MAP3K7: variants seen among roughly 807,000 people sequenced by gnomAD.
MAP3K7 encodes the protein mitogen-activated protein kinase kinase kinase 7.
MAP3K7 carries 21 observed loss-of-function variants against 84.8 expected under a neutral mutation model. The ratio of observed to expected loss-of-function variants is 0.25; its 90% CI spans 0.18 to 0.36. The LOEUF (loss-of-function observed/expected upper bound fraction) is 0.36, where lower values mean the gene tolerates loss of function less well. MAP3K7 is among the 10% of genes least tolerant of loss of function. The pLI is 1.00. For missense variants in MAP3K7, 503 were observed against 747.7 expected (o/e 0.67, Z 3.82); for synonymous variants, 241 against 247.7 (o/e 0.97, Z 0.25).
intron 12 of MAP3K7, among the ~76,000 whole-genome samples, chr6:90,540,594 T>C (rs954574861): frequency 1.6e-4 from 25 of 151,982 alleles, no homozygotes; most frequent in Admixed American, 9.2e-4. Context: ...TTAAATCTTT[T>C]ATAGGTGGTA....
At position 90,550,569 on chromosome 6, in the gene MAP3K7, C is replaced by A. The variant is rs183063454; in HGVS notation, c.868-20G>T. 3.4e-6 allele frequency: 5 copies of A among 1,474,348 alleles called. No homozygotes were observed. The African/African-American group carries it at 4.2e-5, about 12-fold the overall frequency. 91.3% of individuals were successfully genotyped at this position (1,474,348 alleles called of 1,614,324 possible). A position where few individuals can be genotyped will look rare whatever the true frequency, so the allele number is the denominator to read the frequency against. ...AAAGTACTATATATAAAAAAGTAAA[C>A]CACAGCTTAAAATTTCCTTAATACA... is the stretch of plus-strand genomic sequence containing the variant. On this transcript the variant is annotated intron_variant, in intron 8 of 16. Coordinates refer to ENST00000369329, the MANE Select transcript of MAP3K7 (RefSeq NM_145331.3).
intron 7 of MAP3K7, 137 bp downstream of exon 7, chr6:90,553,321 A>G: frequency 5.7e-6 from 5 of 874,404 alleles, no homozygotes; most frequent in Non-Finnish European, 8.7e-6. Context: ...GTCTGATAAT[A>G]GCAAAGCAGT....
chr6:90,528,404 A>G (rs1028551548), intron 13 of MAP3K7, among the ~76,000 whole-genome samples: 16 of 151,004 alleles, frequency 1.1e-4, no homozygotes, highest in African/African-American at 3.9e-4. Flanking sequence ...ATCGTATGTG[A>G]GTTCTAATTA....
intron 1 of MAP3K7, among the ~76,000 whole-genome samples, chr6:90,585,618 C>CTTTTTTTTTTTTTTTTTTTTTTT (rs1562116546): frequency 5.9e-4 from 88 of 150,376 alleles, no homozygotes; most frequent in African/African-American, 2.1e-3. Context: ...GCAGTTTTTA[C>CTTTTTTTTTTTTTTTTTTTTTTT]TTTTCTAAAT....
chr6:90,555,318 C>T (rs996089357), intron 6 of MAP3K7, among the ~76,000 whole-genome samples: 4 of 151,828 alleles, frequency 2.6e-5, no homozygotes, highest in Admixed American at 2.0e-4. Context: ...TGCAGTGGCA[C>T]GATCTCGGCT....
Position 90,586,921 on chromosome 6 carries a change from C to T in MAP3K7, c.-38G>A, listed in dbSNP as rs994618800. On this transcript the variant is annotated 5_prime_UTR_variant, in exon 1 of 17. Coordinates refer to ENST00000369329, the MANE Select transcript of MAP3K7 (RefSeq NM_145331.3). Reference sequence around the variant, plus strand: ...CGCCCGGTGGGGCCGGGAACGGTGCCACCCGGACAATCCGGGTGAGACCCG... The same window carrying T: ...CGCCCGGTGGGGCCGGGAACGGTGCTACCCGGACAATCCGGGTGAGACCCG... 4 of 1,575,952 alleles carry T rather than the reference C, an allele frequency of 2.5e-6. No individual in the cohort carries two copies. Among genetic ancestry groups the T allele is most frequent in the Middle Eastern group, 4.2e-4 (2 of 4,748 alleles).
At chr6:90,569,406 G>C (rs1353226) in intron 2 of MAP3K7, among the ~76,000 whole-genome samples, 40,468 of 151,982 alleles carry the variant, frequency 0.27, 5,923 homozygotes, top group South Asian at 0.42. Context: ...AATCATCCCT[G>C]ATCCAATGAT....
chr6:90,568,027 C>T (rs1401613272), intron 3 of MAP3K7, among the ~76,000 whole-genome samples: 1 of 152,040 alleles, frequency 6.6e-6, no homozygotes, highest in African/African-American at 2.4e-5. Flanking sequence ...AACACTTGGA[C>T]ACAGGAAGGG....
intron 13 of MAP3K7, among the ~76,000 whole-genome samples, chr6:90,524,857 C>T (rs1478401086): frequency 7.9e-5 from 12 of 152,032 alleles, no homozygotes. Flanking sequence ...CTTAAAACTC[C>T]TTGTTTTAAA....
chr6:90,530,946 C>A (rs777706971), intron 13 of MAP3K7, among the ~76,000 whole-genome samples: 1 of 152,154 alleles, frequency 6.6e-6, no homozygotes, highest in Non-Finnish European at 1.5e-5. Context: ...ATTTAAGTTG[C>A]TCCTTCCTCT....
chr6:90,539,873 TG>T (rs1461326664), intron 12 of MAP3K7, among the ~76,000 whole-genome samples: 2 of 151,892 alleles, frequency 1.3e-5, no homozygotes, highest in Non-Finnish European at 2.9e-5. Flanking sequence ...TCAGTTAAAA[TG>T]TTTGGGCCTC....
In MAP3K7 at chr6:90,576,461, ACACACACACAG is replaced by A. The variant is rs1777084152; in HGVS notation, c.121-4665_121-4655del. The stretch of plus-strand genomic sequence containing the variant: ...CACACACACACACACACACACACAC[ACACACACACAG>A]AAGAAACAACTAATATAAAGCTTTG... On this transcript the variant is annotated intron_variant, in intron 1 of 16. Coordinates refer to ENST00000369329, the MANE Select transcript of MAP3K7 (RefSeq NM_145331.3). Among the ~76,000 whole-genome samples, 4 of 150,944 alleles carry A rather than the reference ACACACACACAG, an allele frequency of 2.6e-5. 1 individual carries two copies. The South Asian group carries it at 8.4e-4, about 32-fold the overall frequency.
At chr6:90,544,689 A>G (rs1775950479) in intron 11 of MAP3K7, 57 bp from the exon 12 acceptor site, 1 of 1,366,306 alleles carries the variant, frequency 7.3e-7, no homozygotes, top group African/African-American at 1.4e-5. Flanking sequence ...GTAACACGGA[A>G]AATGATTAAC....
chr6:90,582,658 C>T (rs1184615163), intron 1 of MAP3K7, among the ~76,000 whole-genome samples: 1 of 152,060 alleles, frequency 6.6e-6, no homozygotes, highest in African/African-American at 2.4e-5. Context: ...ACTTTCCCAA[C>T]CCACGATGGT....
intron 12 of MAP3K7, chr6:90,536,898 T>C (rs1775699734): frequency 6.5e-6 from 1 of 153,904 alleles, no homozygotes; most frequent in Non-Finnish European, 1.4e-5. Context: ...TGAGTCACGC[T>C]TACTTAATCC....
Position 90,516,502 on chromosome 6 carries a change from C to A in MAP3K7, c.1820G>T (p.Ter607LeuextTer8). Residue 607 changes from the stop codon to leucine (L), a stop_lost, in exon 17 of 17, where the codon TGA becomes TTA. Coordinates refer to ENST00000369329, the MANE Select transcript of MAP3K7 (RefSeq NM_145331.3). ...TCAAAATGTAACGGTCCCAGAGAAT[C>A]ATGAAGTGCCTTGTCGTTTCTGCTG... ...SQQQKRQGTS[*>L] 6.2e-7 allele frequency: 1 copy of A among 1,609,674 alleles called. No homozygotes were observed. Among genetic ancestry groups the A allele is most frequent in the Non-Finnish European group, 8.5e-7 (1 of 1,178,380 alleles).
chr6:90,516,528 C>T lies in MAP3K7; in HGVS notation c.1794G>A (p.Gln598=), dbSNP rs779153846. ...CKKQLEVIRS[Q]QQKRQGTS is the part of the protein sequence containing the mutation. ...ATGAAGTGCCTTGTCGTTTCTGCTG[C>T]TGACTTCTGATGACCTCTAGTTGTT... The change falls in exon 17 of 17, where the codon CAG becomes CAA. Residue 598 remains glutamine, a synonymous_variant. Coordinates refer to ENST00000369329, the MANE Select transcript of MAP3K7 (RefSeq NM_145331.3). 2 of 1,612,186 alleles carry T rather than the reference C, an allele frequency of 1.2e-6. No individual in the cohort carries two copies. The highest frequency in any genetic ancestry group is 2.2e-5 in the South Asian group (2 of 90,856).
intron 14 of MAP3K7, among the ~76,000 whole-genome samples, chr6:90,522,833 A>G (rs755303148): frequency 6.6e-6 from 1 of 152,208 alleles, no homozygotes; most frequent in Non-Finnish European, 1.5e-5. Context: ...TTAAACTTCA[A>G]TCTAATTGTT....
intron 6 of MAP3K7, among the ~76,000 whole-genome samples, chr6:90,555,490 C>A (rs1225835906): frequency 6.6e-6 from 1 of 152,166 alleles, no homozygotes; most frequent in Non-Finnish European, 1.5e-5. Context: ...CTCCTGACCT[C>A]ATGATCCGCC....
Sources: gnomAD v4.1 joint callset for allele counts (sites outside exome capture counted in the v4.1 genomes callset) on GRCh38, gnomAD v4.1.1 for gene constraint, MANE v1.5 for transcripts, NCBI Gene and HGNC (gene_info 2026-07-23, HGNC 2026-07-21) for gene names.